LRBA: variants seen among roughly 807,000 people sequenced by gnomAD.
The protein encoded by LRBA is LPS responsive beige-like anchor protein.
LRBA carries 176 observed loss-of-function variants against 330.0 expected under a neutral mutation model. That is an observed-to-expected ratio of 0.53 (90% CI 0.47 to 0.60). The LOEUF is 0.60. LRBA is among the 20% of genes least tolerant of loss of function. LRBA has a pLI of 0.00. For synonymous variants in LRBA, 1,230 were observed against 1,193.0 expected (o/e 1.03, Z -0.64); for missense variants, 3,259 against 3,444.8 (o/e 0.95, Z 1.35).
chr4:150,606,610 A>G (rs1774659062), intron 37 of LRBA, among the ~76,000 whole-genome samples: 1 of 152,146 alleles, frequency 6.6e-6, no homozygotes, highest in African/African-American at 2.4e-5. Flanking sequence ...CAGTACCGCC[A>G]AGCCTCAACA....
rs1310612955 is a variant in LRBA at position 150,959,804 on chromosome 4, CAT to C, written c.217-30741_217-30740del. Among the ~76,000 whole-genome samples the C allele has an allele frequency of 2.7e-4, 39 of 142,860 alleles. No individual in the cohort carries two copies. The East Asian group carries it at 7.3e-3, about 27-fold the overall frequency. The allele number at this position is 142,860 out of a possible 152,430, so 93.7% of individuals were successfully genotyped here. ...ATTATCTATAATTATATATAAAGAACATATAAAAAGTATATAAATATATAAAA... is the reference window on the plus strand; with the variant it reads ...ATTATCTATAATTATATATAAAGAACATAAAAAGTATATAAATATATAAAA... On this transcript the variant is annotated intron_variant, in intron 2 of 56. Transcript: ENST00000651943.
chr4:150,631,970 C>T (rs543596552), intron 37 of LRBA, among the ~76,000 whole-genome samples: 1 of 152,178 alleles, frequency 6.6e-6, no homozygotes, highest in Non-Finnish European at 1.5e-5. Flanking sequence ...GTGGCTCAAG[C>T]CTATAATCCC....
In LRBA at chr4:150,291,238, A is replaced by G. The variant is rs544103447; in HGVS notation, c.8018-5204T>C. ...TTGACAAATGGGATCTAATTAAACT[A>G]AAGAGCTTCTGCACAGCAAAAGAAA... On this transcript the variant is annotated intron_variant, in intron 53 of 56. Transcript: ENST00000651943. Among the ~76,000 whole-genome samples, 38 of 146,288 alleles carry G rather than the reference A, an allele frequency of 2.6e-4. No individual in the cohort carries two copies. In the South Asian group the frequency reaches 3.0e-3, roughly 11 times the overall value.
chr4:150,785,464 C>T (rs948329782), intron 34 of LRBA, among the ~76,000 whole-genome samples: 1 of 152,148 alleles, frequency 6.6e-6, no homozygotes, highest in African/African-American at 2.4e-5. Flanking sequence ...TTTACAAGAA[C>T]AGTCTAGCTT....
chr4:150,406,822 C>T (rs1561130729), intron 47 of LRBA, among the ~76,000 whole-genome samples: 1 of 152,110 alleles, frequency 6.6e-6, no homozygotes, highest in African/African-American at 2.4e-5. Context: ...ACTCTGTAGC[C>T]CAGGCTGGAG....
Position 150,518,866 on chromosome 4 carries a change from C to T in LRBA, c.6331-27831G>A, listed in dbSNP as rs145433018. 4.5e-4 allele frequency among the ~76,000 whole-genome samples: 68 copies of T among 152,216 alleles called. 1 individual carries two copies. In the East Asian group the frequency reaches 5.6e-3, roughly 13 times the overall value. On this transcript the variant is annotated intron_variant, in intron 40 of 56. Transcript: ENST00000651943. ...GATCTCCATAGGCCTAATGTAACAA[C>T]AAGAGTAGAATACTAATTTTCTGGG...
At chr4:150,821,999 T>A (rs1313881541) in intron 30 of LRBA, among the ~76,000 whole-genome samples, 1 of 151,976 alleles carries the variant, frequency 6.6e-6, no homozygotes, top group Non-Finnish European at 1.5e-5. Context: ...CTGAGATAAA[T>A]ACATGATCAG....
At chr4:150,952,195 T>C (rs984260865) in intron 2 of LRBA, among the ~76,000 whole-genome samples, 3 of 152,166 alleles carry the variant, frequency 2.0e-5, no homozygotes, top group South Asian at 2.1e-4. Context: ...CAAGGAAAGA[T>C]GTTTAAGATA....
intron 22 of LRBA, among the ~76,000 whole-genome samples, chr4:150,855,210 C>T (rs1019147200): frequency 3.9e-5 from 6 of 152,114 alleles, no homozygotes; most frequent in African/African-American, 1.4e-4. Context: ...TTGCAGTGAG[C>T]CAAAATAGCA....
intron 37 of LRBA, among the ~76,000 whole-genome samples, chr4:150,610,620 A>AC (rs1775158402): frequency 1.3e-5 from 2 of 151,972 alleles, no homozygotes; most frequent in African/African-American, 2.4e-5. Flanking sequence ...AAACAAACAA[A>AC]AAACAAAGCA....
intron 17 of LRBA, among the ~76,000 whole-genome samples, chr4:150,880,717 C>T (rs1308424296): frequency 2.6e-5 from 4 of 152,100 alleles, no homozygotes; most frequent in South Asian, 4.2e-4. Flanking sequence ...TTAAACTAAG[C>T]GCTTAGGTAC....
rs1399095132 is a variant in LRBA, at chr4:150,286,120, T to C, written c.8018-86A>G. 3.3e-6 allele frequency: 3 copies of C among 916,712 alleles called. No individual in the cohort carries two copies. In the Admixed American group the frequency reaches 8.6e-5, roughly 26 times the overall value. The allele number at this position is 916,712 out of a possible 1,614,324, so 56.8% of individuals were successfully genotyped here. A position where few individuals can be genotyped will look rare whatever the true frequency, so the allele number is the denominator to read the frequency against. ...AACAACTTGCTCCTAATTTCCATCA[T>C]GCCTATTTAATTTATAGTTTGGGAA... On this transcript the variant is annotated intron_variant, in intron 53 of 56. Transcript: ENST00000651943.
chr4:151,006,344 A>T (rs1744072655), intron 2 of LRBA, among the ~76,000 whole-genome samples: 1 of 152,116 alleles, frequency 6.6e-6, no homozygotes, highest in African/African-American at 2.4e-5. Flanking sequence ...AAAATTAAAT[A>T]AAATAAAAAT....
intron 16 of LRBA, 79 bp from the exon 17 acceptor site, chr4:150,893,228 A>T: frequency 1.4e-6 from 1 of 715,952 alleles, no homozygotes; most frequent in Non-Finnish European, 2.4e-6. Context: ...CTGAAATAGA[A>T]ATTTCAACAT....
At chr4:150,299,941 C>T (rs1327228245) in intron 53 of LRBA, among the ~76,000 whole-genome samples, 1 of 152,000 alleles carries the variant, frequency 6.6e-6, no homozygotes, top group Non-Finnish European at 1.5e-5. Context: ...TATAGGAATA[C>T]ACATAACCTA....
intron 37 of LRBA, among the ~76,000 whole-genome samples, chr4:150,643,176 T>C (rs1343601684): frequency 6.6e-6 from 1 of 151,924 alleles, no homozygotes; most frequent in South Asian, 2.1e-4. Context: ...AATTGATCTG[T>C]CATGAATAAC....
chr4:150,512,255 A>C (rs1304667045), intron 40 of LRBA, among the ~76,000 whole-genome samples: 1 of 152,196 alleles, frequency 6.6e-6, no homozygotes. Flanking sequence ...GGTTAGCCAA[A>C]TTTGTTGTAT....
intron 37 of LRBA, among the ~76,000 whole-genome samples, chr4:150,642,212 C>T (rs567527876): frequency 6.6e-6 from 1 of 151,946 alleles, no homozygotes; most frequent in South Asian, 2.1e-4. Context: ...GTAAATTCTG[C>T]ATGTATTTCA....
intron 56 of LRBA, among the ~76,000 whole-genome samples, chr4:150,270,834 G>A (rs1745986877): frequency 6.6e-6 from 1 of 152,190 alleles, no homozygotes; most frequent in South Asian, 2.1e-4. Flanking sequence ...GAGATATGCA[G>A]AGATAAAGGC....
Sources: allele counts gnomAD v4.1 joint callset (sites outside exome capture counted in the v4.1 genomes callset), GRCh38; gene constraint gnomAD v4.1.1; transcripts MANE v1.5; gene names NCBI Gene and HGNC (gene_info 2026-07-23, HGNC 2026-07-21).